SOX6: variants seen among roughly 807,000 people sequenced by gnomAD.
The protein encoded by SOX6 is transcription factor SOX-6.
Under a neutral mutation model 97.8 loss-of-function variants are expected in SOX6, and 11 were observed. The observed-to-expected ratio is 0.11, with a 90% CI of 0.07 to 0.19. The LOEUF is 0.19. SOX6 is among the 10% of genes least tolerant of loss of function. The pLI is 1.00. For synonymous variants in SOX6, 360 were observed against 371.4 expected (o/e 0.97, Z 0.35); for missense variants, 810 against 1,039.5 (o/e 0.78, Z 3.04).
chr11:16,146,698 G>GA (rs1272362917), intron 6 of SOX6, among the ~76,000 whole-genome samples: 3 of 152,178 alleles, frequency 2.0e-5, no homozygotes, highest in African/African-American at 7.2e-5. Flanking sequence ...CAAAGGATAT[G>GA]AACAGACACT....
chr11:16,203,073 A>G (rs1851981415), intron 4 of SOX6, among the ~76,000 whole-genome samples: 1 of 152,146 alleles, frequency 6.6e-6, no homozygotes, highest in African/African-American at 2.4e-5. Context: ...GTTTCAAAGA[A>G]AGGAGAAAAA....
rs548184790 is a variant in SOX6, at chr11:16,441,011, G to A, written c.-5+35304C>T. 6.9e-4 allele frequency among the ~76,000 whole-genome samples: 105 copies of A among 152,186 alleles called. 1 individual carries two copies. In the South Asian group the frequency reaches 7.7e-3, roughly 11 times the overall value. On this transcript the variant is annotated intron_variant, in intron 1 of 15. Coordinates refer to the SOX6 transcript ENST00000396356. ...ATGGTTCAGCCACCCTAAAAGCACTGGATTTTTAACTATTCATGAAGCCCA... is the reference window on the plus strand; with the variant it reads ...ATGGTTCAGCCACCCTAAAAGCACTAGATTTTTAACTATTCATGAAGCCCA...
chr11:16,159,004 TTTCACC>T (rs1331588015), intron 6 of SOX6, among the ~76,000 whole-genome samples: 3 of 151,932 alleles, frequency 2.0e-5, no homozygotes, highest in South Asian at 4.1e-4. Context: ...AAATTATTAT[TTTCACC>T]ATTTTCCATC....
intron 4 of SOX6, among the ~76,000 whole-genome samples, chr11:16,486,554 G>C (rs553081977): frequency 6.6e-6 from 1 of 152,240 alleles, no homozygotes; most frequent in East Asian, 1.9e-4. Flanking sequence ...AATGCCTAGA[G>C]TGCTTATTAA....
intron 4 of SOX6, among the ~76,000 whole-genome samples, chr11:16,190,742 C>G (rs1851608399): frequency 2.0e-5 from 3 of 152,068 alleles, no homozygotes; most frequent in Admixed American, 2.0e-4. Context: ...GAAAAAACAC[C>G]ATACAATAGC....
intron 15 of SOX6, among the ~76,000 whole-genome samples, chr11:15,976,425 T>C (rs1295180392): frequency 1.3e-5 from 2 of 152,216 alleles, no homozygotes; most frequent in Non-Finnish European, 1.5e-5. Context: ...AGAACATATA[T>C]GCAAAGCATT....
intron 3 of SOX6, among the ~76,000 whole-genome samples, chr11:16,710,298 T>C (rs1367806951): frequency 3.3e-5 from 5 of 152,214 alleles, no homozygotes; most frequent in Admixed American, 1.3e-4. Flanking sequence ...TATTCAAGTA[T>C]ATGTGTTAGT....
intron 1 of SOX6, among the ~76,000 whole-genome samples, chr11:16,416,761 T>C (rs754292351): frequency 6.6e-6 from 1 of 152,194 alleles, no homozygotes; most frequent in Non-Finnish European, 1.5e-5. Flanking sequence ...GGAACTGTAA[T>C]TGACAAGAAA....
intron 9 of SOX6, among the ~76,000 whole-genome samples, chr11:16,077,487 C>A (rs187975071): frequency 8.9e-4 from 136 of 152,266 alleles, no homozygotes; most frequent in Non-Finnish European, 1.4e-3. Flanking sequence ...ATAAATCATT[C>A]CACCTCCAAG....
intron 15 of SOX6, among the ~76,000 whole-genome samples, chr11:15,981,322 T>C (rs1329547051): frequency 3.3e-5 from 5 of 152,038 alleles, no homozygotes; most frequent in African/African-American, 1.2e-4. Context: ...TTCCTCCCAG[T>C]CTAAGTAAAG....
intron 12 of SOX6, among the ~76,000 whole-genome samples, chr11:16,044,201 C>T (rs1429892571): frequency 1.3e-5 from 2 of 151,996 alleles, no homozygotes; most frequent in Admixed American, 6.6e-5. Flanking sequence ...CCCAGGAAAC[C>T]CAAATCTGTG....
chr11:16,670,893 C>T (rs904187874), intron 3 of SOX6, among the ~76,000 whole-genome samples: 1 of 106,076 alleles, frequency 9.4e-6, no homozygotes, highest in Non-Finnish European at 2.3e-5. Context: ...AAGAGGAGTC[C>T]CCATCACTCA....
chr11:16,177,705 C>T (rs1401439772), intron 6 of SOX6, among the ~76,000 whole-genome samples: 1 of 150,000 alleles, frequency 6.7e-6, no homozygotes, highest in African/African-American at 2.5e-5. Context: ...TAAAGACTAA[C>T]ATTAAACTGA....
chr11:16,669,119 G>C (rs2134023293), intron 3 of SOX6, among the ~76,000 whole-genome samples: 1 of 152,172 alleles, frequency 6.6e-6, no homozygotes, highest in African/African-American at 2.4e-5. Context: ...TCATTCTCAA[G>C]GATAGACCAT....
At chr11:16,432,763 A>C (rs1859295897) in intron 1 of SOX6, among the ~76,000 whole-genome samples, 1 of 152,050 alleles carries the variant, frequency 6.6e-6, no homozygotes, top group African/African-American at 2.4e-5. Flanking sequence ...TTATTCAGTT[A>C]GTTAATCCAG....
intron 12 of SOX6, among the ~76,000 whole-genome samples, chr11:16,025,854 A>T (rs1184781560): frequency 2.0e-5 from 3 of 152,142 alleles, no homozygotes; most frequent in African/African-American, 7.2e-5. Flanking sequence ...CCTATAATTT[A>T]AAAAAATATG....
chr11:16,170,701 G>A (rs1332724316), intron 6 of SOX6, among the ~76,000 whole-genome samples: 1 of 151,994 alleles, frequency 6.6e-6, no homozygotes, highest in African/African-American at 2.4e-5. Flanking sequence ...TGTCAAGGTG[G>A]AGATTAAAAC....
At chr11:16,496,482 G>A (rs527554392) in intron 4 of SOX6, among the ~76,000 whole-genome samples, 1 of 152,172 alleles carries the variant, frequency 6.6e-6, no homozygotes, top group Admixed American at 6.5e-5. Flanking sequence ...CAGGACAGTG[G>A]GTGCAATGCA....
At chr11:16,138,393 T>C (rs1006038115) in intron 6 of SOX6, among the ~76,000 whole-genome samples, 2 of 152,252 alleles carry the variant, frequency 1.3e-5, no homozygotes, top group Admixed American at 1.3e-4. Flanking sequence ...ACTTTTGTTA[T>C]AACTGTCCCA....
Sources: gnomAD v4.1 joint callset for allele counts (sites outside exome capture counted in the v4.1 genomes callset) on GRCh38, gnomAD v4.1.1 for gene constraint, MANE v1.5 for transcripts, NCBI Gene and HGNC (gene_info 2026-07-23, HGNC 2026-07-21) for gene names.